Variants in PRKCA observed in about 807,000 individuals in gnomAD.
PRKCA encodes the protein protein kinase C alpha type.
A neutral mutation model predicts 87.0 loss-of-function variants in PRKCA; 27 were observed. That is an observed-to-expected ratio of 0.31 (90% CI 0.23 to 0.43). PRKCA has a LOEUF of 0.43. Among genes scored for constraint, PRKCA ranks in the 20% least tolerant of loss-of-function variants. The pLI is 1.00. For synonymous variants in PRKCA, 329 were observed against 311.1 expected, an observed-to-expected ratio of 1.06 and a Z score of -0.61; for missense variants, 518 against 852.3, an observed-to-expected ratio of 0.61 and a Z score of 4.88.
At chr17:66,532,366 ATTTT>A (rs1007856270) in intron 3 of PRKCA, among the ~76,000 whole-genome samples, 6 of 99,286 alleles carry the variant, frequency 6.0e-5, no homozygotes, top group African/African-American at 2.3e-4. Flanking sequence ...ATTTTATTTT[ATTTT>A]TTTATTTTTT....
chr17:66,671,682 G>A (rs952174360), intron 5 of PRKCA, among the ~76,000 whole-genome samples: 1 of 152,194 alleles, frequency 6.6e-6, no homozygotes, highest in Admixed American at 6.5e-5. Flanking sequence ...TGAGATGAAA[G>A]AAAGAAAGCA....
chr17:66,363,479 T>C (rs542344203), intron 2 of PRKCA, among the ~76,000 whole-genome samples: 14 of 152,240 alleles, frequency 9.2e-5, no homozygotes, highest in Non-Finnish European at 1.3e-4. Context: ...GGCAGCTCCT[T>C]TCTTTCCATA....
At chr17:66,773,163 A>G (rs1011247872) in intron 13 of PRKCA, among the ~76,000 whole-genome samples, 17 of 152,114 alleles carry the variant, frequency 1.1e-4, no homozygotes, top group African/African-American at 3.4e-4. Flanking sequence ...TCAACATACC[A>G]TTATGCCACC....
At chr17:66,358,529 C>T (rs148303027) in intron 2 of PRKCA, among the ~76,000 whole-genome samples, 1 of 150,544 alleles carries the variant, frequency 6.6e-6, no homozygotes, top group Non-Finnish European at 1.5e-5. Flanking sequence ...CTCAAAGATT[C>T]AAGCCTAAGG....
At chr17:66,577,839 G>C (rs913794185) in intron 3 of PRKCA, among the ~76,000 whole-genome samples, 4 of 151,996 alleles carry the variant, frequency 2.6e-5, no homozygotes, top group African/African-American at 7.3e-5. Context: ...ACGGGGTAGT[G>C]GGGGGTAGGG....
At chr17:66,459,414 A>G (rs1259655041) in intron 2 of PRKCA, among the ~76,000 whole-genome samples, 1 of 152,220 alleles carries the variant, frequency 6.6e-6, no homozygotes, top group East Asian at 1.9e-4. Flanking sequence ...ACGCACTGAA[A>G]GATCAAATTA....
chr17:66,626,422 C>T (rs142816118), intron 3 of PRKCA, among the ~76,000 whole-genome samples: 90 of 149,434 alleles, frequency 6.0e-4, no homozygotes, highest in African/African-American at 2.1e-3. Flanking sequence ...AGTGTAGTGG[C>T]GCAGTCTTGA....
intron 2 of PRKCA, among the ~76,000 whole-genome samples, chr17:66,374,329 T>G (rs1023624061): frequency 6.6e-6 from 1 of 152,156 alleles, no homozygotes; most frequent in African/African-American, 2.4e-5. Flanking sequence ...GTGGCTTCAG[T>G]CCCCGGTGGG....
chr17:66,519,392 AT>A (rs973811851), intron 3 of PRKCA, among the ~76,000 whole-genome samples: 2 of 152,196 alleles, frequency 1.3e-5, no homozygotes, highest in Non-Finnish European at 2.9e-5. Flanking sequence ...CCAGTCAGAT[AT>A]TCATGCAAGG....
intron 2 of PRKCA, among the ~76,000 whole-genome samples, chr17:66,342,150 G>A (rs576185384): frequency 2.6e-5 from 4 of 152,264 alleles, no homozygotes; most frequent in South Asian, 2.1e-4. Flanking sequence ...ATGGCGGGGC[G>A]CGGTGGCTCA....
intron 2 of PRKCA, among the ~76,000 whole-genome samples, chr17:66,341,520 T>C (rs1907044704): frequency 6.6e-6 from 1 of 152,208 alleles, no homozygotes; most frequent in Non-Finnish European, 1.5e-5. Context: ...GCACTGTGTA[T>C]ACATGTCAAA....
At position 66,516,205 on chromosome 17, in the gene PRKCA, A is replaced by C. The variant is rs1398767821; in HGVS notation, c.288+19922A>C. Among the ~76,000 whole-genome samples, 9 of 152,174 alleles carry C rather than the reference A, an allele frequency of 5.9e-5. No individual in the cohort carries two copies. In the East Asian group the frequency reaches 1.7e-3, roughly 29 times the overall value. On this transcript the variant is annotated intron_variant, in intron 3 of 16. Transcript: ENST00000413366. Reference sequence around the variant, plus strand: ...GGGTAGCAGACTTCATCTGCAGGACAATGTGCAGCACAGGCTGCGGGTATT... The same window carrying C: ...GGGTAGCAGACTTCATCTGCAGGACCATGTGCAGCACAGGCTGCGGGTATT...
At chr17:66,590,804 C>G (rs1297665681) in intron 3 of PRKCA, among the ~76,000 whole-genome samples, 2 of 152,010 alleles carry the variant, frequency 1.3e-5, no homozygotes, top group African/African-American at 4.8e-5. Context: ...GAGCCGAGAT[C>G]ACGCTACTGC....
intron 2 of PRKCA, among the ~76,000 whole-genome samples, chr17:66,405,530 G>T (rs941004873): frequency 6.6e-5 from 10 of 152,084 alleles, no homozygotes; most frequent in African/African-American, 9.7e-5. Context: ...TTCTGTTGCT[G>T]CATATTCATT....
chr17:66,799,262 G>GA (rs1975806374), intron 16 of PRKCA, among the ~76,000 whole-genome samples: 1 of 45,996 alleles, frequency 2.2e-5, no homozygotes. Context: ...GGTGGTGGTG[G>GA]TGGTGGTGGT....
intron 2 of PRKCA, among the ~76,000 whole-genome samples, chr17:66,379,535 C>T (rs996554967): frequency 6.6e-6 from 1 of 152,130 alleles, no homozygotes. Flanking sequence ...TAATTTTCTC[C>T]TATTCTGTGA....
chr17:66,473,740 G>A (rs1285897885), intron 2 of PRKCA, among the ~76,000 whole-genome samples: 1 of 152,106 alleles, frequency 6.6e-6, no homozygotes, highest in Non-Finnish European at 1.5e-5. Context: ...TTCAAGACCA[G>A]CCTGACCAAC....
chr17:66,566,486 T>G (rs1033139174), intron 3 of PRKCA, among the ~76,000 whole-genome samples: 70 of 145,800 alleles, frequency 4.8e-4, no homozygotes, highest in Middle Eastern at 3.5e-3. Context: ...TTTGGTTTTT[T>G]TTTTTTTTTT....
At chr17:66,542,702 C>T (rs1968023642) in intron 3 of PRKCA, among the ~76,000 whole-genome samples, 1 of 152,022 alleles carries the variant, frequency 6.6e-6, no homozygotes, top group Non-Finnish European at 1.5e-5. Context: ...CAAGTGGGAG[C>T]CATTGGGGAG....
Sources: gnomAD v4.1 joint callset for allele counts (sites outside exome capture counted in the v4.1 genomes callset) on GRCh38, gnomAD v4.1.1 for gene constraint, MANE v1.5 for transcripts, NCBI Gene and HGNC (gene_info 2026-07-23, HGNC 2026-07-21) for gene names.